Variants in ZNF804A observed in about 807,000 individuals in gnomAD.
The protein encoded by ZNF804A is zinc finger protein 804A.
Under a neutral mutation model 16.5 loss-of-function variants are expected in ZNF804A, and 2 were observed. The ratio of observed to expected loss-of-function variants is 0.12; its 90% CI spans 0.05 to 0.38. ZNF804A has a LOEUF of 0.38. ZNF804A is among the 10% of genes least tolerant of loss of function. The pLI is 0.99. For synonymous variants in ZNF804A, 534 were observed against 489.6 expected (o/e 1.09, Z -1.20); for missense variants, 1,473 against 1,390.7 (o/e 1.06, Z -0.94).
At chr2:184,827,430 A>G (rs1471553268) in intron 1 of ZNF804A, among the ~76,000 whole-genome samples, 1 of 147,120 alleles carries the variant, frequency 6.8e-6, no homozygotes, top group Non-Finnish European at 1.5e-5. Flanking sequence ...ATATATTTAT[A>G]TAAAACATAA....
chr2:184,838,677 T>C (rs1333716048), intron 1 of ZNF804A, among the ~76,000 whole-genome samples: 1 of 152,062 alleles, frequency 6.6e-6, no homozygotes, highest in Non-Finnish European at 1.5e-5. Flanking sequence ...TGTGCTAATG[T>C]GAATAAGAGC....
chr2:184,752,785 C>G (rs999024961), intron 1 of ZNF804A, among the ~76,000 whole-genome samples: 2 of 151,114 alleles, frequency 1.3e-5, no homozygotes, highest in African/African-American at 4.9e-5. Context: ...AAACATGATC[C>G]AATTAAAAAA....
intron 1 of ZNF804A, among the ~76,000 whole-genome samples, chr2:184,737,103 C>T (rs1386686972): frequency 2.0e-5 from 3 of 151,334 alleles, no homozygotes; most frequent in Admixed American, 6.6e-5. Context: ...GTCACCCAGG[C>T]TGGAGTGTAG....
intron 1 of ZNF804A, among the ~76,000 whole-genome samples, chr2:184,633,358 A>C (rs1691642917): frequency 6.6e-6 from 1 of 152,050 alleles, no homozygotes; most frequent in East Asian, 1.9e-4. Flanking sequence ...TTCTTTTGGG[A>C]TTTTTTTAAA....
At chr2:184,779,188 C>T (rs76116972) in intron 1 of ZNF804A, among the ~76,000 whole-genome samples, 1 of 151,750 alleles carries the variant, frequency 6.6e-6, no homozygotes, top group Non-Finnish European at 1.5e-5. Flanking sequence ...TGTAGTTGTA[C>T]AGGCAGGTTT....
At chr2:184,620,939 G>A (rs1427335279) in intron 1 of ZNF804A, among the ~76,000 whole-genome samples, 1 of 151,470 alleles carries the variant, frequency 6.6e-6, no homozygotes, top group Non-Finnish European at 1.5e-5. Context: ...CAATTATTTG[G>A]ATTTTTAATA....
intron 1 of ZNF804A, among the ~76,000 whole-genome samples, chr2:184,658,085 G>C (rs920157870): frequency 6.6e-6 from 1 of 152,198 alleles, no homozygotes; most frequent in African/African-American, 2.4e-5. Context: ...CTCATTTGGT[G>C]TGATAATTTT....
At chr2:184,686,776 A>C (rs1692642417) in intron 1 of ZNF804A, among the ~76,000 whole-genome samples, 7 of 152,088 alleles carry the variant, frequency 4.6e-5, no homozygotes, top group Admixed American at 4.6e-4. Context: ...TTTGATTTGC[A>C]CTTCTCTGGT....
chr2:184,722,368 C>T (rs1009462087), intron 1 of ZNF804A, among the ~76,000 whole-genome samples: 2 of 151,930 alleles, frequency 1.3e-5, no homozygotes, highest in African/African-American at 2.4e-5. Context: ...AATTTTACAT[C>T]TGTGAAGTTT....
chr2:184,732,031 C>T (rs1181442102), intron 1 of ZNF804A, among the ~76,000 whole-genome samples: 2 of 152,094 alleles, frequency 1.3e-5, no homozygotes, highest in Non-Finnish European at 2.9e-5. Flanking sequence ...CAGTGTCTTT[C>T]ATGGGTCAGA....
At chr2:184,911,115 C>T (rs532719054) in intron 2 of ZNF804A, among the ~76,000 whole-genome samples, 2 of 151,790 alleles carry the variant, frequency 1.3e-5, no homozygotes, top group South Asian at 4.2e-4. Flanking sequence ...TGAAGTCTTA[C>T]ATCTTTAATA....
chr2:184,618,605 C>T (rs1691368039), intron 1 of ZNF804A, among the ~76,000 whole-genome samples: 2 of 152,164 alleles, frequency 1.3e-5, no homozygotes, highest in South Asian at 4.1e-4. Flanking sequence ...ATTCCTGGAA[C>T]CAAACCCCCT....
chr2:184,874,279 A>G (rs751592444), intron 2 of ZNF804A, among the ~76,000 whole-genome samples: 1 of 152,138 alleles, frequency 6.6e-6, no homozygotes. Flanking sequence ...AGGAGACGTA[A>G]CCATGTGAAA....
chr2:184,710,204 A>G (rs1466399370), intron 1 of ZNF804A, among the ~76,000 whole-genome samples: 1 of 151,562 alleles, frequency 6.6e-6, no homozygotes, highest in East Asian at 1.9e-4. Context: ...AAATTGTGTA[A>G]GTTTTGAAGT....
chr2:184,658,684 C>G (rs73978037), intron 1 of ZNF804A, among the ~76,000 whole-genome samples: 4,756 of 152,144 alleles, frequency 0.031, 255 homozygotes, highest in African/African-American at 0.11. Flanking sequence ...AAGTTCACAC[C>G]CAATAATCAG....
intron 1 of ZNF804A, among the ~76,000 whole-genome samples, chr2:184,633,234 T>C (rs1691641239): frequency 6.6e-6 from 1 of 152,216 alleles, no homozygotes; most frequent in South Asian, 2.1e-4. Context: ...ATCTCTTAAT[T>C]CTACTTTATG....
Position 184,598,939 on chromosome 2 carries a change from G to C in ZNF804A, c.-21G>C, listed in dbSNP as rs751842771. Reference sequence around the variant, plus strand: ...GGTGCGTGGAAGCGGCGGCTGCGGCGGAGGAGGCGGCGGCTGCCCCATGGA... The same window carrying C: ...GGTGCGTGGAAGCGGCGGCTGCGGCCGAGGAGGCGGCGGCTGCCCCATGGA... On this transcript the variant is annotated 5_prime_UTR_variant, in exon 1 of 4. Transcript: ENST00000302277. 65 of 1,498,862 alleles carry C rather than the reference G, an allele frequency of 4.3e-5. No individual in the cohort carries two copies. Among genetic ancestry groups the C allele is most frequent in the Admixed American group, 1.9e-5 (1 of 51,626 alleles). The allele number at this position is 1,498,862 out of a possible 1,614,324, so 92.8% of individuals were successfully genotyped here.
intron 1 of ZNF804A, among the ~76,000 whole-genome samples, chr2:184,782,766 G>A (rs113184179): frequency 1.4e-5 from 2 of 143,868 alleles, no homozygotes; most frequent in African/African-American, 5.2e-5. Flanking sequence ...TTCCAGTAAG[G>A]ATTTTTTTTT....
chr2:184,784,075 A>G (rs1416354872), intron 1 of ZNF804A, among the ~76,000 whole-genome samples: 1 of 151,914 alleles, frequency 6.6e-6, no homozygotes, highest in Non-Finnish European at 1.5e-5. Flanking sequence ...TGGTTATCAG[A>G]AAGCTTCTAC....
Sources: gnomAD v4.1 joint callset for allele counts (sites outside exome capture counted in the v4.1 genomes callset) on GRCh38, gnomAD v4.1.1 for gene constraint, MANE v1.5 for transcripts, NCBI Gene and HGNC (gene_info 2026-07-23, HGNC 2026-07-21) for gene names.